OTUD7A: variants seen among roughly 807,000 people sequenced by gnomAD.
OTUD7A encodes OTU deubiquitinase 7A, also known as OTU domain-containing protein 7A.
Under a neutral mutation model 65.7 loss-of-function variants are expected in OTUD7A, and 12 were observed. The observed-to-expected ratio is 0.18, with a 90% CI of 0.12 to 0.30. OTUD7A has a LOEUF of 0.30. Among genes scored for constraint, OTUD7A ranks in the 10% least tolerant of loss-of-function variants. The pLI is 1.00. For synonymous variants in OTUD7A, 641 were observed against 586.3 expected (o/e 1.09, Z -1.35); for missense variants, 1,148 against 1,304.8 (o/e 0.88, Z 1.85).
chr15:31,784,615 A>G (rs1895623801), intron 1 of OTUD7A, among the ~76,000 whole-genome samples: 1 of 152,188 alleles, frequency 6.6e-6, no homozygotes, highest in Non-Finnish European at 1.5e-5. Context: ...CCCCACAAAG[A>G]AAAGCTCTTT....
intron 1 of OTUD7A, among the ~76,000 whole-genome samples, chr15:31,852,173 G>T (rs1038469515): frequency 6.6e-6 from 1 of 152,130 alleles, no homozygotes; most frequent in Non-Finnish European, 1.5e-5. Context: ...GCCTTTTAAC[G>T]CAAGGTAGAC....
intron 3 of OTUD7A, among the ~76,000 whole-genome samples, chr15:31,634,158 A>G (rs1396103037): frequency 6.6e-6 from 1 of 152,200 alleles, no homozygotes; most frequent in Non-Finnish European, 1.5e-5. Context: ...ACCAGGATAA[A>G]GAAGTACCCC....
In OTUD7A at chr15:31,491,114, G is replaced by C. The variant is rs570834324; in HGVS notation, c.1172-3548C>G. On this transcript the variant is annotated intron_variant, in intron 10 of 12. Coordinates refer to ENST00000307050, the MANE Select transcript of OTUD7A (RefSeq NM_001382637.1). ...TCAGCAACGACAACAAAAAACCTAT[G>C]AGGCGAAAGGAAAGATAAAAAAAAA... Among the ~76,000 whole-genome samples, 3 of 149,080 alleles carry C rather than the reference G, an allele frequency of 2.0e-5. No homozygotes were observed. The South Asian group carries it at 6.3e-4, about 31-fold the overall frequency.
chr15:31,746,566 G>A (rs1172313511), intron 1 of OTUD7A, among the ~76,000 whole-genome samples: 5 of 148,488 alleles, frequency 3.4e-5, no homozygotes, highest in Non-Finnish European at 4.4e-5. Context: ...GTGCGATCTC[G>A]GCTCCCTGCA....
chr15:31,566,563 A>T (rs1170014477), intron 4 of OTUD7A, among the ~76,000 whole-genome samples: 1 of 152,220 alleles, frequency 6.6e-6, no homozygotes, highest in Non-Finnish European at 1.5e-5. Context: ...GAAAAACAAC[A>T]TAAACACATT....
chr15:31,529,723 G>A (rs1212076901), intron 6 of OTUD7A, among the ~76,000 whole-genome samples: 1 of 152,128 alleles, frequency 6.6e-6, no homozygotes, highest in Admixed American at 6.5e-5. Context: ...CCTACCTCTT[G>A]CTGAATAGGC....
chr15:31,842,374 G>A (rs890118609), intron 1 of OTUD7A, among the ~76,000 whole-genome samples: 6 of 152,244 alleles, frequency 3.9e-5, no homozygotes, highest in Non-Finnish European at 5.9e-5. Context: ...GCCATAAAAA[G>A]TGGTGCAGCC....
At chr15:31,748,601 GAGA>G (rs1199691685) in intron 1 of OTUD7A, among the ~76,000 whole-genome samples, 1 of 151,952 alleles carries the variant, frequency 6.6e-6, no homozygotes, top group Non-Finnish European at 1.5e-5. Flanking sequence ...TAAAATACAT[GAGA>G]AGGTTTATTA....
At chr15:31,530,659 A>G (rs2141122492) in intron 6 of OTUD7A, 48 bp downstream of exon 6, 1 of 1,530,566 alleles carries the variant, frequency 6.5e-7, no homozygotes, top group African/African-American at 1.4e-5. Context: ...GTCTTTCCTT[A>G]CGCAGGCCTG....
chr15:31,786,454 G>A (rs1160123995), intron 1 of OTUD7A, among the ~76,000 whole-genome samples: 1 of 152,336 alleles, frequency 6.6e-6, no homozygotes, highest in East Asian at 1.9e-4. Context: ...CTCCTTTTGT[G>A]TGTGTGGCAC....
intron 5 of OTUD7A, among the ~76,000 whole-genome samples, chr15:31,533,208 G>A (rs901597607): frequency 2.0e-5 from 3 of 151,588 alleles, no homozygotes; most frequent in Non-Finnish European, 4.4e-5. Context: ...ATTGGCTACC[G>A]TGTAGGCCAG....
At chr15:31,811,102 G>C (rs1012725714) in intron 1 of OTUD7A, among the ~76,000 whole-genome samples, 10 of 152,214 alleles carry the variant, frequency 6.6e-5, no homozygotes, top group South Asian at 2.1e-4. Flanking sequence ...GGCATGCAGA[G>C]AAGGTGCACG....
intron 3 of OTUD7A, among the ~76,000 whole-genome samples, chr15:31,593,851 G>A (rs925314845): frequency 2.0e-5 from 3 of 152,174 alleles, no homozygotes; most frequent in African/African-American, 7.2e-5. Context: ...CCCCCGATGT[G>A]TAAGCAACAG....
rs1248212540 is a variant in OTUD7A at position 31,592,951 on chromosome 15, G to GTA, written c.152-22756_152-22755dup. ...TATATATATATGTATATATACACGT[G>GTA]TATATATATATGTATATATATATAT... is the stretch of plus-strand genomic sequence containing the variant. On this transcript the variant is annotated intron_variant, in intron 3 of 12. Coordinates refer to ENST00000307050, the MANE Select transcript of OTUD7A (RefSeq NM_001382637.1). 5.4e-4 allele frequency among the ~76,000 whole-genome samples: 48 copies of GTA among 88,770 alleles called. No homozygotes were observed. In the East Asian group the frequency reaches 8.4e-3, roughly 16 times the overall value. 58.2% of individuals were successfully genotyped at this position (88,770 alleles called of 152,430 possible).
At chr15:31,852,200 A>C (rs556183856) in intron 1 of OTUD7A, among the ~76,000 whole-genome samples, 1 of 152,144 alleles carries the variant, frequency 6.6e-6, no homozygotes, top group South Asian at 2.1e-4. Flanking sequence ...CCAGCAATTG[A>C]AGACAGTAAG....
intron 1 of OTUD7A, among the ~76,000 whole-genome samples, chr15:31,820,382 T>C (rs1255212929): frequency 6.6e-6 from 1 of 152,226 alleles, no homozygotes; most frequent in Admixed American, 6.5e-5. Flanking sequence ...TTCAGGTTCC[T>C]TTAGGTTGAG....
At chr15:31,752,420 A>G (rs1894662367) in intron 1 of OTUD7A, among the ~76,000 whole-genome samples, 1 of 152,202 alleles carries the variant, frequency 6.6e-6, no homozygotes, top group Non-Finnish European at 1.5e-5. Flanking sequence ...CTGAAACTTG[A>G]CAAGTGATAG....
At chr15:31,620,715 C>T (rs1890752614) in intron 3 of OTUD7A, among the ~76,000 whole-genome samples, 1 of 108,828 alleles carries the variant, frequency 9.2e-6, no homozygotes, top group Non-Finnish European at 1.7e-5. Flanking sequence ...TTCAAAAAAC[C>T]AGCTCCTGGA....
Position 31,483,688 on chromosome 15 carries a change from G to C in OTUD7A, c.2408C>G (p.Thr803Arg). 1 of 1,160,234 alleles carries C rather than the reference G, an allele frequency of 8.6e-7. No homozygotes were observed. Among genetic ancestry groups the C allele is most frequent in the Non-Finnish European group, 1.1e-6 (1 of 943,434 alleles). 71.9% of individuals were successfully genotyped at this position (1,160,234 alleles called of 1,614,324 possible). Residue 803 changes from threonine to arginine, a missense_variant, in exon 13 of 13, where the codon ACG becomes AGG. Thr to Arg is a moderately conservative substitution (Grantham distance 71, BLOSUM62 -1). This residue lies in a region of OTUD7A where 842 missense variants were observed against 769.5 expected (regional missense o/e 1.09). Transcript: ENST00000307050. ...CAGCGAGCGGTTCTGCTGCGGGTACGTGGCGCACGGCCGCAGCGCCCCCAC... is the reference window on the plus strand; with the variant it reads ...CAGCGAGCGGTTCTGCTGCGGGTACCTGGCGCACGGCCGCAGCGCCCCCAC... Reference protein sequence around the residue: ...PAVGALRPCATYPQQNRSLSS... With the variant: ...PAVGALRPCARYPQQNRSLSS...
Sources: allele counts gnomAD v4.1 joint callset (sites outside exome capture counted in the v4.1 genomes callset), GRCh38; gene constraint gnomAD v4.1.1; regional missense constraint gnomAD v4.1.1; transcripts MANE v1.5; gene names NCBI Gene and HGNC (gene_info 2026-07-23, HGNC 2026-07-21).